CCDC7: variants seen among roughly 807,000 people sequenced by gnomAD.
CCDC7 encodes the protein coiled-coil domain containing 7.
A neutral mutation model predicts 196.9 loss-of-function variants in CCDC7; 183 were observed. That is an observed-to-expected ratio of 0.93 (90% CI 0.82 to 1.05). CCDC7 has a LOEUF of 1.05. Among genes scored for constraint, CCDC7 ranks in the 50% least tolerant of loss-of-function variants. CCDC7 has a pLI of 0.00. For missense variants in CCDC7, 1,540 were observed against 1,482.2 expected, an observed-to-expected ratio of 1.04 and a Z score of -0.64; for synonymous variants, 525 against 484.6, an observed-to-expected ratio of 1.08 and a Z score of -1.10.
chr10:32,650,134 G>A (rs75874141), intron 20 of CCDC7, among the ~76,000 whole-genome samples: 6,600 of 152,208 alleles, frequency 0.043, 479 homozygotes, highest in African/African-American at 0.15. Context: ...TCATCTGGGA[G>A]GACTAGTATT....
chr10:32,601,016 C>T (rs1253304017), intron 18 of CCDC7, among the ~76,000 whole-genome samples: 1 of 151,838 alleles, frequency 6.6e-6, no homozygotes, highest in Admixed American at 6.6e-5. Flanking sequence ...TCTTTTAGTA[C>T]CTTAAGTGGA....
At chr10:32,557,734 C>G (rs1564639480) in intron 13 of CCDC7, among the ~76,000 whole-genome samples, 1 of 151,980 alleles carries the variant, frequency 6.6e-6, no homozygotes, top group African/African-American at 2.4e-5. Context: ...TTTTATTACC[C>G]AGGCTGGAGT....
chr10:32,874,804 A>G (rs1239422461), intron 41 of CCDC7, among the ~76,000 whole-genome samples: 2 of 151,498 alleles, frequency 1.3e-5, no homozygotes, highest in Non-Finnish European at 3.0e-5. Context: ...ACATATATAT[A>G]CTCACCACAT....
intron 32 of CCDC7, among the ~76,000 whole-genome samples, chr10:32,833,375 C>G (rs1252982110): frequency 6.8e-6 from 1 of 147,080 alleles, no homozygotes; most frequent in Non-Finnish European, 1.5e-5. Flanking sequence ...AAAGAAAGCT[C>G]AATAAAATCC....
chr10:32,451,619 T>G (rs61735137), upstream of CCDC7: 2 of 1,548,852 alleles, frequency 1.3e-6, no homozygotes, highest in Non-Finnish European at 1.7e-6. Flanking sequence ...TCATCTGTAA[T>G]TTGGAAGCCA....
chr10:32,500,677 T>G (rs1032959524), intron 9 of CCDC7, among the ~76,000 whole-genome samples: 2 of 151,980 alleles, frequency 1.3e-5, no homozygotes, highest in Non-Finnish European at 2.9e-5. Context: ...TCTCGGCACT[T>G]TGGGAGGCCA....
At chr10:32,752,506 C>T (rs1288792480) in intron 28 of CCDC7, among the ~76,000 whole-genome samples, 1 of 152,118 alleles carries the variant, frequency 6.6e-6, no homozygotes, top group East Asian at 1.9e-4. Context: ...TTGTACTCCT[C>T]AAATTTCTGT....
chr10:32,548,764 A>T (rs968860578), intron 13 of CCDC7, among the ~76,000 whole-genome samples: 1 of 152,198 alleles, frequency 6.6e-6, no homozygotes, highest in African/African-American at 2.4e-5. Context: ...ATGGCTGAGT[A>T]GTATTCCATC....
intron 29 of CCDC7, among the ~76,000 whole-genome samples, chr10:32,791,771 A>C (rs565912968): frequency 6.6e-6 from 1 of 152,276 alleles, no homozygotes; most frequent in Non-Finnish European, 1.5e-5. Context: ...GGTATTAAAG[A>C]AGGAAACAGT....
At chr10:32,558,761 G>A (rs1370552203) in intron 13 of CCDC7, among the ~76,000 whole-genome samples, 3 of 152,242 alleles carry the variant, frequency 2.0e-5, no homozygotes, top group African/African-American at 7.2e-5. Flanking sequence ...GGTGATTTCT[G>A]CATTTCCATC....
chr10:32,546,431 C>T (rs1208890867), intron 13 of CCDC7, among the ~76,000 whole-genome samples: 1 of 152,120 alleles, frequency 6.6e-6, no homozygotes, highest in Non-Finnish European at 1.5e-5. Flanking sequence ...ACGATTATTT[C>T]CCAAACTGGG....
chr10:32,663,694 T>A (rs1044539153), intron 20 of CCDC7, among the ~76,000 whole-genome samples: 1 of 152,056 alleles, frequency 6.6e-6, no homozygotes, highest in Non-Finnish European at 1.5e-5. Context: ...CTTGTACATT[T>A]AAGTGATTTT....
chr10:32,495,046 T>C (rs1330689104), intron 9 of CCDC7, among the ~76,000 whole-genome samples: 1 of 152,200 alleles, frequency 6.6e-6, no homozygotes, highest in Non-Finnish European at 1.5e-5. Context: ...CCACATCATC[T>C]CCAGCATCTG....
At chr10:32,832,323 G>A (rs2092265824) in intron 32 of CCDC7, among the ~76,000 whole-genome samples, 2 of 152,078 alleles carry the variant, frequency 1.3e-5, no homozygotes, top group South Asian at 4.1e-4. Context: ...GGCCAACCTG[G>A]TGAAGCCCTG....
intron 29 of CCDC7, 133 bp downstream of exon 30, chr10:32,779,217 A>C (rs2080630537): frequency 1.6e-6 from 1 of 626,838 alleles, no homozygotes; most frequent in Non-Finnish European, 2.6e-6. Flanking sequence ...CATTCTACTC[A>C]ATCAATCTAC....
At chr10:32,631,930 C>T (rs2064926223) in intron 18 of CCDC7, among the ~76,000 whole-genome samples, 1 of 151,746 alleles carries the variant, frequency 6.6e-6, no homozygotes, top group South Asian at 2.1e-4. Context: ...CTGCTAATTG[C>T]TAGTATATAG....
intron 18 of CCDC7, among the ~76,000 whole-genome samples, chr10:32,613,674 A>G (rs1047952332): frequency 6.6e-6 from 1 of 152,196 alleles, no homozygotes; most frequent in African/African-American, 2.4e-5. Context: ...TTATTTACAC[A>G]GTAGTCATAC....
At chr10:32,788,364 A>C (rs2082176453) in intron 29 of CCDC7, among the ~76,000 whole-genome samples, 1 of 152,110 alleles carries the variant, frequency 6.6e-6, no homozygotes, top group Non-Finnish European at 1.5e-5. Flanking sequence ...ACTAAGCTTT[A>C]TTCCTGAGTT....
chr10:32,556,539 C>T (rs1050370271), intron 13 of CCDC7, among the ~76,000 whole-genome samples: 15 of 152,108 alleles, frequency 9.9e-5, no homozygotes, highest in African/African-American at 1.9e-4. Flanking sequence ...CGCTGAGACT[C>T]GTATTTGAAT....
Sources: allele counts gnomAD v4.1 joint callset (sites outside exome capture counted in the v4.1 genomes callset), GRCh38; gene constraint gnomAD v4.1.1; transcripts MANE v1.5; gene names NCBI Gene and HGNC (gene_info 2026-07-23, HGNC 2026-07-21).